ME1: variants seen among roughly 807,000 people sequenced by gnomAD.
ME1 encodes NADP-dependent malic enzyme.
A neutral mutation model predicts 66.4 loss-of-function variants in ME1; 74 were observed. The observed-to-expected ratio is 1.11, with a 90% CI of 0.92 to 1.35. ME1 has a LOEUF of 1.35. Among genes scored for constraint, ME1 ranks in the 40% most tolerant of loss-of-function variants. The probability of loss-of-function intolerance (pLI) is 0.00; values close to 1 mark genes in which losing one functional copy is unlikely to be tolerated. For missense variants in ME1, 750 were observed against 694.1 expected, an observed-to-expected ratio of 1.08 and a Z score of -0.90; for synonymous variants, 251 against 235.6, an observed-to-expected ratio of 1.07 and a Z score of -0.60.
At chr6:83,268,031 T>C (rs1034488389) in intron 6 of ME1, among the ~76,000 whole-genome samples, 2 of 152,188 alleles carry the variant, frequency 1.3e-5, no homozygotes, top group African/African-American at 4.8e-5. Context: ...GCATGCTCTA[T>C]AAAGAAAATA....
At chr6:83,350,725 C>T (rs748400559) in intron 4 of ME1, among the ~76,000 whole-genome samples, 12 of 152,052 alleles carry the variant, frequency 7.9e-5, no homozygotes, top group Non-Finnish European at 1.5e-4. Flanking sequence ...CTCAAGCAAT[C>T]CTCCCACCCA....
intron 3 of ME1, among the ~76,000 whole-genome samples, chr6:83,359,170 G>C (rs917123856): frequency 2.0e-5 from 3 of 151,736 alleles, no homozygotes; most frequent in Non-Finnish European, 2.9e-5. Flanking sequence ...GGGTGGTCGG[G>C]CAGAGGCACT....
intron 3 of ME1, among the ~76,000 whole-genome samples, chr6:83,358,334 C>T (rs574550032): frequency 3.3e-5 from 5 of 152,142 alleles, no homozygotes; most frequent in South Asian, 2.1e-4. Flanking sequence ...GGTGAACCAA[C>T]GACCATAATA....
chr6:83,421,187 T>C (rs1024906959), intron 1 of ME1, among the ~76,000 whole-genome samples: 1 of 152,202 alleles, frequency 6.6e-6, no homozygotes, highest in African/African-American at 2.4e-5. Context: ...ATAAATTATG[T>C]ATAGAGTTTT....
At chr6:83,372,901 G>A (rs1481573348) in intron 3 of ME1, among the ~76,000 whole-genome samples, 3 of 152,140 alleles carry the variant, frequency 2.0e-5, no homozygotes, top group Non-Finnish European at 4.4e-5. Flanking sequence ...GTTATGCTAT[G>A]TCCACCGGAA....
intron 7 of ME1, among the ~76,000 whole-genome samples, chr6:83,245,619 G>A (rs1214480814): frequency 1.3e-5 from 2 of 152,106 alleles, no homozygotes; most frequent in Non-Finnish European, 2.9e-5. Flanking sequence ...TGTTGGTCAG[G>A]CTGGTCTTGA....
intron 6 of ME1, among the ~76,000 whole-genome samples, chr6:83,263,239 CCTT>C (rs2128529871): frequency 1.3e-5 from 2 of 152,286 alleles, no homozygotes; most frequent in South Asian, 2.1e-4. Context: ...ATGACTCTCT[CCTT>C]CTCCTCAAAC....
At chr6:83,369,492 A>G (rs1017883936) in intron 3 of ME1, among the ~76,000 whole-genome samples, 4 of 152,130 alleles carry the variant, frequency 2.6e-5, no homozygotes, top group Non-Finnish European at 5.9e-5. Flanking sequence ...AGATGGATAT[A>G]ACACCTTCCA....
rs1789860006 is a variant in ME1, at chr6:83,210,934, T to C, written c.*990A>G. ...ACTTAATTATAATACTTTCTCCAAA[T>C]TCAGGCAAAAGCAAGATGATTATAA... On this transcript the variant is annotated 3_prime_UTR_variant, in exon 14 of 14. Transcript: ENST00000369705. 6.6e-6 allele frequency: 1 copy of C among 152,204 alleles called. No individual in the cohort carries two copies. Among genetic ancestry groups the C allele is most frequent in the Non-Finnish European group, 1.5e-5 (1 of 68,032 alleles). The allele number at this position is 152,204 out of a possible 1,614,324, so 9.4% of individuals were successfully genotyped here. A position where few individuals can be genotyped will look rare whatever the true frequency, so the allele number is the denominator to read the frequency against.
intron 7 of ME1, among the ~76,000 whole-genome samples, chr6:83,242,988 G>A (rs1790535949): frequency 6.6e-6 from 1 of 152,044 alleles, no homozygotes; most frequent in Admixed American, 6.6e-5. Flanking sequence ...AGGGTGCAGA[G>A]GTTTATGTCC....
intron 6 of ME1, among the ~76,000 whole-genome samples, chr6:83,296,452 C>G (rs781135937): frequency 6.6e-6 from 1 of 152,038 alleles, no homozygotes; most frequent in East Asian, 1.9e-4. Flanking sequence ...AAAAGGCTAT[C>G]GATAAAATTC....
intron 5 of ME1, among the ~76,000 whole-genome samples, chr6:83,331,259 A>G (rs1768402515): frequency 6.6e-6 from 1 of 152,126 alleles, no homozygotes; most frequent in South Asian, 2.1e-4. Flanking sequence ...TGAGGTCATT[A>G]GAGTGGGCCC....
chr6:83,346,346 A>T lies in ME1; in HGVS notation c.439-12T>A. 1 of 1,562,040 alleles carries T rather than the reference A, an allele frequency of 6.4e-7. No homozygotes were observed. On this transcript the variant is annotated splice_polypyrimidine_tract_variant and intron_variant, in intron 4 of 13. Transcript: ENST00000369705. ...GTCACCACAATGGCCTGGAAGAAAA[A>T]GAAAAATTACCTATTAACAAGTTTT...
chr6:83,330,313 C>T (rs1162270804), intron 5 of ME1, among the ~76,000 whole-genome samples: 1 of 152,060 alleles, frequency 6.6e-6, no homozygotes, highest in Non-Finnish European at 1.5e-5. Context: ...TAATATATAA[C>T]TTTTGCTGTT....
At chr6:83,238,803 T>TATATATATATATATATAC in intron 8 of ME1, among the ~76,000 whole-genome samples, 1 of 148,260 alleles carries the variant, frequency 6.7e-6, no homozygotes. Context: ...TTGAAAAATA[T>TATATATATATATATATAC]ATATATATAT....
intron 3 of ME1, among the ~76,000 whole-genome samples, chr6:83,377,699 C>T (rs556751432): frequency 1.3e-5 from 2 of 151,854 alleles, no homozygotes; most frequent in Non-Finnish European, 1.5e-5. Context: ...GTATATGAAG[C>T]CTTTGGGATC....
At chr6:83,275,622 G>A (rs1475478987) in intron 6 of ME1, among the ~76,000 whole-genome samples, 75 of 145,494 alleles carry the variant, frequency 5.2e-4, no homozygotes, top group African/African-American at 1.7e-3. Flanking sequence ...CCGCCACCAC[G>A]CCTGGCTAAT....
intron 6 of ME1, among the ~76,000 whole-genome samples, chr6:83,269,162 A>C (rs1373470229): frequency 1.3e-5 from 2 of 152,210 alleles, no homozygotes; most frequent in Non-Finnish European, 2.9e-5. Flanking sequence ...TGAAATACTC[A>C]GTGCTAATAA....
chr6:83,307,932 T>C (rs569942909), intron 6 of ME1, among the ~76,000 whole-genome samples: 1 of 152,262 alleles, frequency 6.6e-6, no homozygotes, highest in East Asian at 1.9e-4. Context: ...GCTATATATC[T>C]TGAAATCTGA....
Sources: allele counts gnomAD v4.1 joint callset (sites outside exome capture counted in the v4.1 genomes callset), GRCh38; gene constraint gnomAD v4.1.1; transcripts MANE v1.5; gene names NCBI Gene and HGNC (gene_info 2026-07-23, HGNC 2026-07-21).